LRP8: variants seen among roughly 807,000 people sequenced by gnomAD.
LRP8 encodes low-density lipoprotein receptor-related protein 8.
Under a neutral mutation model 111.6 loss-of-function variants are expected in LRP8, and 46 were observed. The observed-to-expected ratio is 0.41, with a 90% confidence interval of 0.33 to 0.53. The LOEUF (loss-of-function observed/expected upper bound fraction) is 0.53. Ranked by LOEUF, LRP8 falls within the 20% of genes least tolerant of loss-of-function variation. The pLI is 0.20. For synonymous variants in LRP8, 464 were observed against 511.2 expected, an observed-to-expected ratio of 0.91 and a Z score of 1.24; for missense variants, 959 against 1,297.4, an observed-to-expected ratio of 0.74 and a Z score of 4.01.
intron 3 of LRP8, chr1:53,289,309 G>A: frequency 2.8e-6 from 1 of 362,764 alleles, no homozygotes. Flanking sequence ...GCTCCTTCTG[G>A]GCAGAAGGGC....
chr1:53,260,587 CT>C lies in LRP8; in HGVS notation c.1932del (p.Asp645ThrfsTer37). 1 of 1,614,164 alleles carries C rather than the reference CT, an allele frequency of 6.2e-7. No homozygotes were observed. The highest frequency in any genetic ancestry group is 8.5e-7 in the Non-Finnish European group (1 of 1,180,028). ...CTGAAAATGGCCTCGTTCTCCAGGT[CT>C]GTCCAGAACACCTTGTCCTGTGGGG... ...IAVFEDKVFW[T>X]DLENEAIFSA... On this transcript the variant is annotated frameshift_variant, in exon 13 of 19. Transcript: ENST00000306052. LOFTEE classifies it high-confidence loss of function.
At chr1:53,273,095 G>A (rs1211869332) in intron 6 of LRP8, among the ~76,000 whole-genome samples, 4 of 152,214 alleles carry the variant, frequency 2.6e-5, no homozygotes, top group Non-Finnish European at 4.4e-5. Context: ...GCACCTGTCT[G>A]TCCCTGTAAC....
chr1:53,308,635 G>A (rs1281790779), intron 2 of LRP8, among the ~76,000 whole-genome samples: 1 of 152,120 alleles, frequency 6.6e-6, no homozygotes, highest in Non-Finnish European at 1.5e-5. Context: ...CATCCTCACC[G>A]CCCGGACCTT....
At chr1:53,285,696 C>T (rs928159705) in intron 3 of LRP8, among the ~76,000 whole-genome samples, 1 of 152,188 alleles carries the variant, frequency 6.6e-6, no homozygotes, top group Non-Finnish European at 1.5e-5. Context: ...TGCCTGTTGT[C>T]ACCACTGGGG....
chr1:53,260,496 A>G lies in LRP8; in HGVS notation c.2024T>C (p.Ile675Thr), dbSNP rs1646289371. 6.2e-7 allele frequency: 1 copy of G among 1,614,140 alleles called. No individual in the cohort carries two copies. Among genetic ancestry groups the G allele is most frequent in the Non-Finnish European group, 8.5e-7 (1 of 1,180,010 alleles). Residue 675 changes from isoleucine (I) to threonine (T), a missense_variant, in exon 13 of 19, where the codon ATT becomes ACT. Coordinates refer to ENST00000306052, the MANE Select transcript of LRP8 (RefSeq NM_004631.5). ...LAENLNNPHD[I>T]VIFHELKQPR... ...CTGCTTCAGCTCATGGAAGATGACAATGTCATGTGGGTTGTTGAGGTTCTC... is the reference window on the plus strand; with the variant it reads ...CTGCTTCAGCTCATGGAAGATGACAGTGTCATGTGGGTTGTTGAGGTTCTC...
intron 2 of LRP8, among the ~76,000 whole-genome samples, chr1:53,320,862 G>A (rs959028887): frequency 5.3e-5 from 8 of 152,220 alleles, no homozygotes; most frequent in African/African-American, 9.6e-5. Flanking sequence ...AGCGCTCAGC[G>A]GGGAACGGCT....
intron 3 of LRP8, among the ~76,000 whole-genome samples, chr1:53,281,106 T>C (rs1360824893): frequency 6.6e-6 from 1 of 152,170 alleles, no homozygotes; most frequent in African/African-American, 2.4e-5. Context: ...TTAGGTGAGA[T>C]ATGCCCCAGC....
At chr1:53,251,106 C>T (rs1027394524) in intron 16 of LRP8, among the ~76,000 whole-genome samples, 10 of 152,224 alleles carry the variant, frequency 6.6e-5, no homozygotes, top group Non-Finnish European at 1.0e-4. Context: ...GTCAGTTGCT[C>T]TCTCATGTGT....
intron 2 of LRP8, among the ~76,000 whole-genome samples, chr1:53,308,444 C>G (rs1003357475): frequency 5.3e-5 from 8 of 152,226 alleles, no homozygotes; most frequent in African/African-American, 1.9e-4. Flanking sequence ...CCCTCCAGGT[C>G]TCTCCTCTGC....
Position 53,242,518 on chromosome 1 carries a change from C to T in LRP8, c.*4500G>A, listed in dbSNP as rs1442854469. On this transcript the variant is annotated 3_prime_UTR_variant, in exon 19 of 19. Coordinates refer to ENST00000306052, the MANE Select transcript of LRP8 (RefSeq NM_004631.5). ...CCTCGCCTCTGGAAGAGACACCAGA[C>T]TGCAAAGGGCACCGCGTACAGAAGC... is the stretch of plus-strand genomic sequence containing the variant. 1 of 152,210 alleles carries T rather than the reference C, an allele frequency of 6.6e-6. No homozygotes were observed. The highest frequency in any genetic ancestry group is 1.5e-5 in the Non-Finnish European group (1 of 68,042). 9.4% of individuals were successfully genotyped at this position (152,210 alleles called of 1,614,324 possible).
Position 53,273,593 on chromosome 1 carries a change from T to C in LRP8, c.1006+2038A>G, listed in dbSNP as rs548018879. Among the ~76,000 whole-genome samples the C allele has an allele frequency of 3.3e-5, 5 of 152,266 alleles. No homozygotes were observed. The South Asian group carries it at 6.2e-4, about 19-fold the overall frequency. The stretch of plus-strand genomic sequence containing the variant: ...GACAGTAGTCCCTGGCTACTCCAAA[T>C]CTGGGTGTTGGGGGAGCTAGGCTCA... On this transcript the variant is annotated intron_variant, in intron 6 of 18. Transcript: ENST00000306052.
chr1:53,254,718 TAA>T (rs1646016751), intron 16 of LRP8, among the ~76,000 whole-genome samples: 1 of 152,170 alleles, frequency 6.6e-6, no homozygotes, highest in South Asian at 2.1e-4. Context: ...TATGACCTAT[TAA>T]AGGAATGGTA....
chr1:53,252,206 C>T (rs943084730), intron 16 of LRP8, among the ~76,000 whole-genome samples: 9 of 151,960 alleles, frequency 5.9e-5, no homozygotes, highest in Non-Finnish European at 1.2e-4. Flanking sequence ...GATCATTAGC[C>T]GTCTTTTTAA....
chr1:53,287,660 G>A (rs1647780431), intron 3 of LRP8, among the ~76,000 whole-genome samples: 1 of 152,180 alleles, frequency 6.6e-6, no homozygotes, highest in Non-Finnish European at 1.5e-5. Flanking sequence ...TAAGCTGTGT[G>A]TTTTTGAAGG....
At chr1:53,313,066 G>T (rs1203032247) in intron 2 of LRP8, among the ~76,000 whole-genome samples, 1 of 152,196 alleles carries the variant, frequency 6.6e-6, no homozygotes, top group African/African-American at 2.4e-5. Flanking sequence ...GGCCATGTCT[G>T]ATCCCAGCCA....
intron 15 of LRP8, among the ~76,000 whole-genome samples, chr1:53,255,658 T>C (rs777585441): frequency 6.6e-6 from 1 of 152,210 alleles, no homozygotes; most frequent in Non-Finnish European, 1.5e-5. Flanking sequence ...TTTTCATAAG[T>C]AATTGAAATG....
In LRP8 at chr1:53,317,825, A is replaced by G. The variant is rs1425512689; in HGVS notation, c.244+9048T>C. Among the ~76,000 whole-genome samples, 1 of 152,250 alleles carries G rather than the reference A, an allele frequency of 6.6e-6. No individual in the cohort carries two copies. Among genetic ancestry groups the G allele is most frequent in the East Asian group, 1.9e-4 (1 of 5,198 alleles). On this transcript the variant is annotated intron_variant, in intron 2 of 18. Transcript: ENST00000306052. This position sits in a 1 kb window ranked among gnomAD's most constrained non-coding sequence, Gnocchi z 4.9. The stretch of plus-strand genomic sequence containing the variant: ...ATCCGGCCCAATTGTGAGTGCAGGA[A>G]GAAGGCAGAAGGGAAAGTCACCCAA...
chr1:53,326,556 T>C (rs1410118804), intron 2 of LRP8, among the ~76,000 whole-genome samples: 1 of 152,218 alleles, frequency 6.6e-6, no homozygotes, highest in East Asian at 1.9e-4. Flanking sequence ...AGCTAGACCT[T>C]TGCAGGGACT....
Position 53,257,291 on chromosome 1 carries a change from T to C in LRP8, c.2383A>G (p.Ser795Gly). 6.2e-7 allele frequency: 1 copy of C among 1,614,152 alleles called. No homozygotes were observed. The highest frequency in any genetic ancestry group is 8.5e-7 in the Non-Finnish European group (1 of 1,180,024). Reference protein sequence around the residue: ...PSSVSVPRAPSISPSTLSPAT... With the variant: ...PSSVSVPRAPGISPSTLSPAT... ...GGGCTTAGGGTAGACGGGCTGATGC[T>C]GGGAGCCCTGGGGACACTAACTGAG... The change falls in exon 15 of 19, where the codon AGC becomes GGC. Residue 795 changes from serine (S) to glycine (G), a missense_variant. This residue lies in a region of LRP8 where 819 missense variants were observed against 1,097.6 expected (regional missense o/e 0.75). Transcript: ENST00000306052.
Sources: gnomAD v4.1 joint callset for allele counts (sites outside exome capture counted in the v4.1 genomes callset) on GRCh38, gnomAD v4.1.1 for gene constraint, gnomAD v4.1.1 regional missense constraint, Gnocchi (gnomAD v3.1) non-coding constraint, MANE v1.5 for transcripts, NCBI Gene and HGNC (gene_info 2026-07-23, HGNC 2026-07-21) for gene names.